Variants in RFX3 observed in about 807,000 individuals in gnomAD.
The protein encoded by RFX3 is transcription factor RFX3.
In RFX3, 14 loss-of-function variants were observed where a neutral mutation model predicts 98.6. The ratio of observed to expected loss-of-function variants is 0.14; its 90% CI spans 0.09 to 0.22. The LOEUF is 0.22. RFX3 is among the 10% of genes least tolerant of loss of function. The pLI is 1.00. For synonymous variants in RFX3, 383 were observed against 328.4 expected, an observed-to-expected ratio of 1.17 and a Z score of -1.80; for missense variants, 639 against 926.9, an observed-to-expected ratio of 0.69 and a Z score of 4.03.
At chr9:3,481,939 G>A (rs1404044244) in intron 1 of RFX3, among the ~76,000 whole-genome samples, 1 of 152,046 alleles carries the variant, frequency 6.6e-6, no homozygotes, top group Non-Finnish European at 1.5e-5. Flanking sequence ...AAGCATTATT[G>A]CTGGGCATAT....
intron 12 of RFX3, 137 bp downstream of exon 12, chr9:3,266,071 T>C (rs2131271138): frequency 2.0e-6 from 1 of 495,522 alleles, no homozygotes; most frequent in East Asian, 3.1e-5. Flanking sequence ...AATACAAATA[T>C]AAAAATCAGT....
At chr9:3,353,321 C>T (rs1835379276) in intron 2 of RFX3, among the ~76,000 whole-genome samples, 1 of 151,796 alleles carries the variant, frequency 6.6e-6, no homozygotes, top group Admixed American at 6.6e-5. Context: ...ACATTGTGCA[C>T]ATGTACCCTA....
At chr9:3,518,097 G>A (rs1384995167) in intron 1 of RFX3, among the ~76,000 whole-genome samples, 5 of 152,184 alleles carry the variant, frequency 3.3e-5, no homozygotes, top group African/African-American at 1.2e-4. Flanking sequence ...CAGGTTTATA[G>A]ACGAGAACAA....
At chr9:3,362,217 A>T (rs1161454718) in intron 2 of RFX3, among the ~76,000 whole-genome samples, 1 of 152,212 alleles carries the variant, frequency 6.6e-6, no homozygotes, top group Non-Finnish European at 1.5e-5. Context: ...TTGCATATTC[A>T]ATGTTAATTA....
chr9:3,404,985 T>A (rs890870241), intron 1 of RFX3, among the ~76,000 whole-genome samples: 1 of 152,192 alleles, frequency 6.6e-6, no homozygotes, highest in Non-Finnish European at 1.5e-5. Flanking sequence ...TTTTCCAAAG[T>A]CACTAAGGAA....
At chr9:3,301,046 A>C (rs373706976) in intron 5 of RFX3, among the ~76,000 whole-genome samples, 10 of 151,738 alleles carry the variant, frequency 6.6e-5, no homozygotes, top group African/African-American at 1.9e-4. Flanking sequence ...GAATTCAACT[A>C]TGGGGTTGTT....
intron 2 of RFX3, among the ~76,000 whole-genome samples, chr9:3,360,169 T>C (rs1378555005): frequency 2.6e-5 from 4 of 152,066 alleles, no homozygotes; most frequent in African/African-American, 9.7e-5. Flanking sequence ...TTAAATAAAC[T>C]CTCTATGAAA....
At chr9:3,355,827 C>T (rs1439725343) in intron 2 of RFX3, among the ~76,000 whole-genome samples, 2 of 151,782 alleles carry the variant, frequency 1.3e-5, no homozygotes, top group African/African-American at 4.8e-5. Context: ...TAAAACAATA[C>T]AGAGCATGCT....
At chr9:3,263,609 A>C (rs986601024) in intron 12 of RFX3, among the ~76,000 whole-genome samples, 2 of 152,210 alleles carry the variant, frequency 1.3e-5, no homozygotes, top group Non-Finnish European at 2.9e-5. Context: ...TATAGAAACG[A>C]GTAATTTTGA....
At chr9:3,449,885 AG>A (rs1846415926) in intron 1 of RFX3, among the ~76,000 whole-genome samples, 1 of 150,422 alleles carries the variant, frequency 6.6e-6, no homozygotes, top group African/African-American at 2.5e-5. Flanking sequence ...AAAAAAGAAA[AG>A]AAAAAAAAAA....
chr9:3,353,416 T>C (rs1255381365), intron 2 of RFX3, among the ~76,000 whole-genome samples: 2 of 151,976 alleles, frequency 1.3e-5, no homozygotes, highest in Non-Finnish European at 2.9e-5. Flanking sequence ...GAGCAGAGTA[T>C]TAAAGAAGGC....
Position 3,359,241 on chromosome 9 carries a change from C to T in RFX3, c.118-12477G>A, listed in dbSNP as rs7048040. On this transcript the variant is annotated intron_variant, in intron 2 of 16. Coordinates refer to ENST00000617270, the MANE Select transcript of RFX3 (RefSeq NM_001282116.2). ...ACAATGAAAAGAGGAACCAAAAAAG[C>T]GAAAGTATCTTATGTATACATACCT... 4.4e-3 allele frequency among the ~76,000 whole-genome samples: 670 copies of T among 152,056 alleles called. 5 individuals are homozygous for T. Among genetic ancestry groups the T allele is most frequent in the African/African-American group, 0.016 (643 of 41,480 alleles).
chr9:3,516,745 T>G (rs1259745697), intron 1 of RFX3, among the ~76,000 whole-genome samples: 1 of 152,218 alleles, frequency 6.6e-6, no homozygotes, highest in Non-Finnish European at 1.5e-5. Flanking sequence ...TCTCTCTCTC[T>G]CTGTTAAATT....
intron 5 of RFX3, among the ~76,000 whole-genome samples, chr9:3,293,910 AC>A (rs1474701807): frequency 1.3e-5 from 2 of 152,134 alleles, no homozygotes; most frequent in African/African-American, 2.4e-5. Context: ...ATTTATTACA[AC>A]CATTTTAATT....
intron 2 of RFX3, among the ~76,000 whole-genome samples, chr9:3,380,750 C>A (rs920863756): frequency 3.7e-4 from 56 of 152,116 alleles, no homozygotes; most frequent in African/African-American, 1.3e-3. Context: ...ATAATTTAAG[C>A]TCAAACATTA....
At chr9:3,247,457 C>A in intron 15 of RFX3, 2 of 672,590 alleles carry the variant, frequency 3.0e-6, no homozygotes, top group Admixed American at 5.6e-5. Context: ...CTGCATAAAC[C>A]TCGGATGCTT....
chr9:3,349,119 T>C (rs952791885), intron 2 of RFX3, among the ~76,000 whole-genome samples: 1 of 152,128 alleles, frequency 6.6e-6, no homozygotes, highest in African/African-American at 2.4e-5. Context: ...AGTAATTTTT[T>C]CATTGAATTT....
intron 2 of RFX3, among the ~76,000 whole-genome samples, chr9:3,351,156 G>A (rs889977539): frequency 6.6e-6 from 1 of 151,878 alleles, no homozygotes; most frequent in Non-Finnish European, 1.5e-5. Flanking sequence ...CTCTGGTGGG[G>A]AATGTTTATA....
intron 2 of RFX3, among the ~76,000 whole-genome samples, chr9:3,354,064 A>G (rs1006032816): frequency 6.6e-6 from 1 of 152,084 alleles, no homozygotes. Context: ...CAGACAATAC[A>G]ATGAAAATGT....
Sources: allele counts gnomAD v4.1 joint callset (sites outside exome capture counted in the v4.1 genomes callset), GRCh38; gene constraint gnomAD v4.1.1; transcripts MANE v1.5; gene names NCBI Gene and HGNC (gene_info 2026-07-23, HGNC 2026-07-21).